MICU2: variants seen among roughly 807,000 people sequenced by gnomAD.
MICU2 encodes calcium uptake protein 2, mitochondrial.
MICU2 carries 64 observed loss-of-function variants against 60.4 expected under a neutral mutation model. That is an observed-to-expected ratio of 1.06 (90% CI 0.87 to 1.31). MICU2 has a LOEUF of 1.31. Ranked by LOEUF, MICU2 falls within the 50% of genes most tolerant of loss-of-function variation. MICU2 has a pLI of 0.00. For synonymous variants in MICU2, 201 were observed against 175.0 expected, an observed-to-expected ratio of 1.15 and a Z score of -1.17; for missense variants, 569 against 531.0, an observed-to-expected ratio of 1.07 and a Z score of -0.70.
At chr13:21,592,434 AC>A (rs1444105930) in intron 1 of MICU2, among the ~76,000 whole-genome samples, 1 of 152,248 alleles carries the variant, frequency 6.6e-6, no homozygotes, top group African/African-American at 2.4e-5. Flanking sequence ...TACCAGAAAT[AC>A]AAAGAGGAGT....
chr13:21,510,029 T>G lies in MICU2; in HGVS notation c.736A>C (p.Lys246Gln). The G allele has an allele frequency of 3.2e-6, 5 of 1,543,258 alleles. No homozygotes were observed. The highest frequency in any genetic ancestry group is 4.3e-6 in the Non-Finnish European group (5 of 1,151,436). The change falls in exon 8 of 12, where the codon AAA (lysine) becomes CAA (glutamine). Residue 246 changes from lysine (K) to glutamine (Q), a missense_variant. Lys to Gln is a moderately conservative substitution (Grantham distance 53). Coordinates refer to ENST00000382374, the MANE Select transcript of MICU2 (RefSeq NM_152726.3). ...MRFFGKRGQR[K>Q]LHYKEFRRFM... ...CTTCGAAATTCTTTATAATGAAGTT[T>G]TCTTTGTCCTCTTTTTCCAAAGAAA...
Position 21,493,274 on chromosome 13 carries a change from T to A in MICU2, c.1280A>T (p.Lys427Ile), listed in dbSNP as rs369059811. ...ESIKGVKEVW[K>I]QAGKGLF The stretch of plus-strand genomic sequence containing the variant: ...TTAAAAAAGACCTTTTCCAGCTTGT[T>A]TCCAGACTTCTTTTACTCCTTTAAT... Residue 427 changes from lysine to isoleucine, a missense_variant, in exon 12 of 12, where the codon AAA becomes ATA. Transcript: ENST00000382374. 338 of 1,609,464 alleles carry A rather than the reference T, an allele frequency of 2.1e-4. No individual in the cohort carries two copies. The highest frequency in any genetic ancestry group is 2.7e-4 in the Non-Finnish European group (322 of 1,178,298).
chr13:21,592,961 C>T (rs1240367085), intron 1 of MICU2, among the ~76,000 whole-genome samples: 1 of 152,148 alleles, frequency 6.6e-6, no homozygotes, highest in Non-Finnish European at 1.5e-5. Flanking sequence ...CAGTACAAGA[C>T]GAGGATGCCC....
intron 2 of MICU2, among the ~76,000 whole-genome samples, chr13:21,544,782 G>C (rs1887376723): frequency 1.3e-5 from 2 of 152,056 alleles, no homozygotes; most frequent in Admixed American, 1.3e-4. Context: ...TTCCCAACTA[G>C]CTGGGACTAT....
intron 2 of MICU2, among the ~76,000 whole-genome samples, chr13:21,565,866 C>T (rs570862114): frequency 6.6e-5 from 10 of 152,242 alleles, no homozygotes; most frequent in South Asian, 2.1e-4. Context: ...CATATTTTTA[C>T]CACCTTATTT....
intron 8 of MICU2, among the ~76,000 whole-genome samples, chr13:21,503,424 T>G (rs570253644): frequency 6.6e-6 from 1 of 152,300 alleles, no homozygotes; most frequent in East Asian, 1.9e-4. Flanking sequence ...AAATAACAAT[T>G]CCATGGAAAC....
intron 2 of MICU2, among the ~76,000 whole-genome samples, chr13:21,556,162 C>T (rs1270049359): frequency 6.6e-6 from 1 of 152,094 alleles, no homozygotes; most frequent in Non-Finnish European, 1.5e-5. Context: ...ATGTTTACAC[C>T]AATGCACCAA....
At chr13:21,601,052 T>A (rs1888803784) in intron 1 of MICU2, among the ~76,000 whole-genome samples, 1 of 152,174 alleles carries the variant, frequency 6.6e-6, no homozygotes. Flanking sequence ...CATCTCGGCC[T>A]CCCAAAGTGC....
chr13:21,558,147 G>A (rs1443121958), intron 2 of MICU2, among the ~76,000 whole-genome samples: 1 of 152,158 alleles, frequency 6.6e-6, no homozygotes. Context: ...TTTGCTATTT[G>A]TTTAGTGCCA....
chr13:21,598,400 T>C (rs1248784247), intron 1 of MICU2, among the ~76,000 whole-genome samples: 1 of 152,180 alleles, frequency 6.6e-6, no homozygotes, highest in Non-Finnish European at 1.5e-5. Context: ...TCCCCAGTTT[T>C]GGGCATTATT....
At chr13:21,579,868 T>TGAA (rs1222145710) in intron 1 of MICU2, among the ~76,000 whole-genome samples, 1 of 152,184 alleles carries the variant, frequency 6.6e-6, no homozygotes, top group Non-Finnish European at 1.5e-5. Context: ...CTTTTAACAG[T>TGAA]GAAGATTCTA....
At chr13:21,534,991 GTC>G (rs1887098525) in intron 4 of MICU2, among the ~76,000 whole-genome samples, 1 of 152,178 alleles carries the variant, frequency 6.6e-6, no homozygotes, top group Non-Finnish European at 1.5e-5. Flanking sequence ...ACTACCAGGA[GTC>G]TGGACTGTGA....
chr13:21,498,939 G>A (rs892458501), intron 9 of MICU2, among the ~76,000 whole-genome samples: 2 of 152,122 alleles, frequency 1.3e-5, no homozygotes, highest in Non-Finnish European at 2.9e-5. Flanking sequence ...GATGAAAAAT[G>A]GTATTTTATT....
At chr13:21,508,247 T>C (rs999258732) in intron 8 of MICU2, among the ~76,000 whole-genome samples, 1 of 151,734 alleles carries the variant, frequency 6.6e-6, no homozygotes, top group Non-Finnish European at 1.5e-5. Context: ...TGCCTCAGCC[T>C]CCCAAGTAGC....
chr13:21,601,995 C>G (rs1888828384), intron 1 of MICU2, among the ~76,000 whole-genome samples: 1 of 151,526 alleles, frequency 6.6e-6, no homozygotes, highest in Non-Finnish European at 1.5e-5. Context: ...GTAATCCTAG[C>G]TACTTGGGAG....
intron 1 of MICU2, among the ~76,000 whole-genome samples, 158 bp from the exon 2 acceptor site, chr13:21,567,102 A>C (rs1888003513): frequency 6.6e-6 from 1 of 152,236 alleles, no homozygotes; most frequent in African/African-American, 2.4e-5. Context: ...CCTACTTCGC[A>C]CTGAAGATAC....
At chr13:21,528,837 A>G (rs10492455) in intron 4 of MICU2, among the ~76,000 whole-genome samples, 49,471 of 152,170 alleles carry the variant, frequency 0.33, 9,172 homozygotes, top group Non-Finnish European at 0.41. Flanking sequence ...AGTTAAAAAC[A>G]ATTCCCAGAA....
At chr13:21,552,952 T>G (rs1887610376) in intron 2 of MICU2, among the ~76,000 whole-genome samples, 1 of 152,330 alleles carries the variant, frequency 6.6e-6, no homozygotes, top group South Asian at 2.1e-4. Context: ...AGTAGTTTTT[T>G]CCAATTCTGT....
chr13:21,602,190 A>C (rs1036385742), intron 1 of MICU2, among the ~76,000 whole-genome samples: 6 of 151,634 alleles, frequency 4.0e-5, no homozygotes, highest in African/African-American at 9.7e-5. Context: ...GTGTGGTTAA[A>C]GTGATACTCC....
Sources: allele counts gnomAD v4.1 joint callset (sites outside exome capture counted in the v4.1 genomes callset), GRCh38; gene constraint gnomAD v4.1.1; transcripts MANE v1.5; gene names NCBI Gene and HGNC (gene_info 2026-07-23, HGNC 2026-07-21).